Variants in EYS observed in about 807,000 individuals in gnomAD.
EYS encodes EGF-like photoreceptor maintenance factor.
Under a neutral mutation model 282.1 loss-of-function variants are expected in EYS, and 250 were observed. The observed-to-expected ratio is 0.89, with a 90% CI of 0.80 to 0.98. The LOEUF is 0.98. Among genes scored for constraint, EYS ranks in the 50% least tolerant of loss-of-function variants. The pLI, the probability that EYS is intolerant of heterozygous loss-of-function variation, is 0.00. For synonymous variants in EYS, 1,355 were observed against 1,282.9 expected (o/e 1.06, Z -1.20); for missense variants, 4,016 against 3,709.0 (o/e 1.08, Z -2.15).
intron 12 of EYS, among the ~76,000 whole-genome samples, chr6:65,132,771 T>C (rs1196993422): frequency 2.6e-5 from 4 of 151,994 alleles, no homozygotes; most frequent in Non-Finnish European, 5.9e-5. Context: ...AAATTCAAAC[T>C]ATCATTGTTA....
intron 12 of EYS, among the ~76,000 whole-genome samples, chr6:65,088,191 C>A (rs1159464564): frequency 6.6e-6 from 1 of 152,114 alleles, no homozygotes; most frequent in Non-Finnish European, 1.5e-5. Context: ...TGGACTAATA[C>A]AGTAAATCGG....
At chr6:65,511,108 A>T (rs530864303) in intron 2 of EYS, among the ~76,000 whole-genome samples, 156 of 152,300 alleles carry the variant, frequency 1.0e-3, no homozygotes, top group Admixed American at 1.4e-3. Flanking sequence ...TCGTGCAATA[A>T]AATTGACAAA....
At chr6:63,725,992 A>T (rs940308030) in intron 42 of EYS, among the ~76,000 whole-genome samples, 1 of 152,202 alleles carries the variant, frequency 6.6e-6, no homozygotes, top group Non-Finnish European at 1.5e-5. Flanking sequence ...AACCTAAAAA[A>T]TTAAATTTTA....
chr6:64,926,391 A>G (rs1768517958), intron 15 of EYS, among the ~76,000 whole-genome samples: 1 of 152,158 alleles, frequency 6.6e-6, no homozygotes, highest in Admixed American at 6.5e-5. Context: ...GCCTCATTCT[A>G]TTGATGCCCA....
chr6:63,817,408 C>T (rs1205929066), intron 36 of EYS, among the ~76,000 whole-genome samples: 1 of 152,088 alleles, frequency 6.6e-6, no homozygotes, highest in Admixed American at 6.5e-5. Context: ...GGAGCTGGGT[C>T]CGGTAATGGG....
chr6:65,523,322 A>C (rs1767441117), intron 2 of EYS, among the ~76,000 whole-genome samples: 1 of 152,220 alleles, frequency 6.6e-6, no homozygotes, highest in Admixed American at 6.5e-5. Context: ...ATAGAGAGAC[A>C]GACAGAATGG....
At chr6:65,440,639 C>A (rs975380878) in intron 5 of EYS, among the ~76,000 whole-genome samples, 9 of 151,190 alleles carry the variant, frequency 6.0e-5, no homozygotes, top group Non-Finnish European at 1.5e-5. Context: ...CATAAACATC[C>A]TCATAAAGCT....
chr6:64,897,321 G>C (rs1354841405), intron 18 of EYS, among the ~76,000 whole-genome samples: 1 of 152,132 alleles, frequency 6.6e-6, no homozygotes, highest in East Asian at 1.9e-4. Flanking sequence ...AGGGTCCGCA[G>C]TGGACCTCCA....
At chr6:64,686,118 A>G (rs928957174) in intron 22 of EYS, among the ~76,000 whole-genome samples, 3 of 152,080 alleles carry the variant, frequency 2.0e-5, no homozygotes, top group Admixed American at 6.5e-5. Context: ...AAAAAACAGG[A>G]AACTGTTAAA....
At chr6:64,731,717 T>C (rs1258770778) in intron 22 of EYS, among the ~76,000 whole-genome samples, 2 of 152,178 alleles carry the variant, frequency 1.3e-5, no homozygotes, top group Non-Finnish European at 2.9e-5. Flanking sequence ...TTGGTGGGAA[T>C]GTAAATTAGT....
At chr6:63,985,668 C>T (rs1425545899) in intron 34 of EYS, among the ~76,000 whole-genome samples, 1 of 151,674 alleles carries the variant, frequency 6.6e-6, no homozygotes, top group Non-Finnish European at 1.5e-5. Flanking sequence ...AGAAAAGACT[C>T]TTGCTTTGAG....
chr6:65,309,702 CA>C (rs534698933), intron 11 of EYS, among the ~76,000 whole-genome samples: 14 of 152,268 alleles, frequency 9.2e-5, no homozygotes, highest in African/African-American at 3.4e-4. Context: ...TTTTAATGAA[CA>C]TCAGTTCCCA....
rs201525645 is a variant in EYS at position 64,531,549 on chromosome 6, G to GTTTAT, written c.5644+58669_5644+58673dup. Among the ~76,000 whole-genome samples the GTTTAT allele has an allele frequency of 6.9e-3, 858 of 124,120 alleles. 7 individuals carry two copies. The highest frequency in any genetic ancestry group is 8.4e-3 in the Admixed American group (99 of 11,812). 81.4% of individuals were successfully genotyped at this position (124,120 alleles called of 152,430 possible). A position where few individuals can be genotyped will look rare whatever the true frequency, so the allele number is the denominator to read the frequency against. On this transcript the variant is annotated intron_variant, in intron 26 of 42. Transcript: ENST00000503581. Reference sequence around the variant, plus strand: ...CTGCAAGTGCCCGCCACCACGCCTGGTTTATTTTATTTTATTTTATTTTAT... The same window carrying GTTTAT: ...CTGCAAGTGCCCGCCACCACGCCTGGTTTATTTTATTTTATTTTATTTTATTTTAT...
chr6:64,946,392 C>T (rs938875654), intron 14 of EYS, among the ~76,000 whole-genome samples: 14 of 151,890 alleles, frequency 9.2e-5, no homozygotes, highest in African/African-American at 2.4e-4. Flanking sequence ...CAATTAAAAT[C>T]GTAAAACTTT....
At chr6:65,331,071 G>A in intron 11 of EYS, 2 of 984,050 alleles carry the variant, frequency 2.0e-6, no homozygotes, top group South Asian at 4.7e-5. Context: ...AGTCTGTCAT[G>A]TCATATGGTT....
At chr6:64,181,884 A>C (rs112618971) in intron 31 of EYS, among the ~76,000 whole-genome samples, 5,034 of 152,240 alleles carry the variant, frequency 0.033, 108 homozygotes, top group African/African-American at 0.063. Flanking sequence ...ATTATCAATC[A>C]GTTGAAAAAG....
At chr6:64,552,592 C>G (rs1272929000) in intron 26 of EYS, among the ~76,000 whole-genome samples, 1 of 152,104 alleles carries the variant, frequency 6.6e-6, no homozygotes, top group Admixed American at 6.6e-5. Context: ...TCTTTAGATG[C>G]ACTCTTTCAA....
At chr6:63,855,009 C>T (rs1772354399) in intron 36 of EYS, among the ~76,000 whole-genome samples, 1 of 152,140 alleles carries the variant, frequency 6.6e-6, no homozygotes, top group Admixed American at 6.5e-5. Flanking sequence ...CTGTATACTC[C>T]ACTCTGGGAA....
intron 30 of EYS, among the ~76,000 whole-genome samples, chr6:64,304,809 AAT>A (rs1433724744): frequency 1.3e-5 from 2 of 152,206 alleles, no homozygotes; most frequent in African/African-American, 4.8e-5. Flanking sequence ...GAAAGTAGAA[AAT>A]AGAGACAAAT....
Sources: allele counts gnomAD v4.1 joint callset (sites outside exome capture counted in the v4.1 genomes callset), GRCh38; gene constraint gnomAD v4.1.1; transcripts MANE v1.5; gene names NCBI Gene and HGNC (gene_info 2026-07-23, HGNC 2026-07-21).